PTPRM: variants seen among roughly 807,000 people sequenced by gnomAD.
PTPRM encodes receptor-type tyrosine-protein phosphatase mu.
In PTPRM, 47 loss-of-function variants were observed where a neutral mutation model predicts 186.7. The ratio of observed to expected loss-of-function variants is 0.25; its 90% CI spans 0.20 to 0.32. The LOEUF is 0.32. PTPRM is among the 10% of genes least tolerant of loss of function. The pLI is 1.00. For missense variants in PTPRM, 1,494 were observed against 1,865.0 expected (o/e 0.80, Z 3.66); for synonymous variants, 668 against 674.9 (o/e 0.99, Z 0.16).
Position 8,332,573 on chromosome 18 carries a change from G to C in PTPRM, c.2957-10850G>C, listed in dbSNP as rs1006017606. Among the ~76,000 whole-genome samples the C allele has an allele frequency of 1.1e-4, 17 of 152,340 alleles. 1 individual carries two copies. The South Asian group carries it at 3.3e-3, about 30-fold the overall frequency. On this transcript the variant is annotated intron_variant, in intron 22 of 32. Transcript: ENST00000580170. ...ATGAGTGAAATGTAAGCATCAACAT[G>C]TGGGTTGTGTGCGCTGGAGAAAAGG...
At chr18:8,021,315 GAGACACACACACAC>G (rs1161728348) in intron 7 of PTPRM, among the ~76,000 whole-genome samples, 4 of 99,134 alleles carry the variant, frequency 4.0e-5, no homozygotes, top group East Asian at 2.6e-4. Flanking sequence ...AAGCATAAAA[GAGACACACACACAC>G]ACACACACAC....
intron 7 of PTPRM, among the ~76,000 whole-genome samples, chr18:8,018,369 G>A (rs978064305): frequency 1.3e-5 from 2 of 152,168 alleles, no homozygotes; most frequent in Non-Finnish European, 2.9e-5. Flanking sequence ...TTTGTAAAAC[G>A]AAGAAGCAGC....
chr18:8,150,020 T>C (rs2092970392), intron 14 of PTPRM, among the ~76,000 whole-genome samples: 1 of 152,228 alleles, frequency 6.6e-6, no homozygotes, highest in African/African-American at 2.4e-5. Flanking sequence ...ATATTTACTG[T>C]TAGTCTGAGG....
At chr18:8,339,387 G>C (rs2095460524) in intron 22 of PTPRM, among the ~76,000 whole-genome samples, 1 of 152,128 alleles carries the variant, frequency 6.6e-6, no homozygotes, top group East Asian at 1.9e-4. Context: ...GATTAACCGT[G>C]TTGCCTATTG....
rs369440207 is a variant in PTPRM at position 8,181,976 on chromosome 18, T to C, written c.2300+38197T>C. ...GTAGCATTTGTTGGGGGTCTTTAATTACGCTGGTCTGTGGCTTACCTTAGG... is the reference window on the plus strand; with the variant it reads ...GTAGCATTTGTTGGGGGTCTTTAATCACGCTGGTCTGTGGCTTACCTTAGG... On this transcript the variant is annotated intron_variant, in intron 14 of 32. Coordinates refer to ENST00000580170, the MANE Select transcript of PTPRM (RefSeq NM_001105244.2). Among the ~76,000 whole-genome samples, 307 of 152,292 alleles carry C rather than the reference T, an allele frequency of 2.0e-3. 1 individual carries two copies. The highest frequency in any genetic ancestry group is 7.1e-3 in the African/African-American group (295 of 41,564).
intron 23 of PTPRM, among the ~76,000 whole-genome samples, chr18:8,367,406 G>C (rs1301922120): frequency 2.0e-5 from 3 of 152,270 alleles, no homozygotes; most frequent in African/African-American, 7.2e-5. Flanking sequence ...TTACCGCCGG[G>C]TCGGAGGCAT....
At chr18:7,991,270 T>C (rs1231736579) in intron 7 of PTPRM, among the ~76,000 whole-genome samples, 2 of 152,148 alleles carry the variant, frequency 1.3e-5, no homozygotes, top group Non-Finnish European at 2.9e-5. Flanking sequence ...GATGTCATGG[T>C]TGTTTTATTT....
intron 19 of PTPRM, among the ~76,000 whole-genome samples, chr18:8,264,960 G>C (rs2094683484): frequency 6.6e-6 from 1 of 152,138 alleles, no homozygotes. Flanking sequence ...GCAACACAAA[G>C]CCTGTGTTCT....
Position 7,567,688 on chromosome 18 carries a change from G to T in PTPRM, c.-131G>T. ...GGACTTCTGCAACTGTTGGCACTTT[G>T]GGGGCTTGGCTTAGCGCTCTGCTGT... is the stretch of plus-strand genomic sequence containing the variant. On this transcript the variant is annotated 5_prime_UTR_variant, in exon 1 of 33. Transcript: ENST00000580170. The surrounding 1 kb of genome is among the most constrained non-coding windows in gnomAD (Gnocchi z 4.3). 1 of 789,926 alleles carries T rather than the reference G, an allele frequency of 1.3e-6. No homozygotes were observed. Among genetic ancestry groups the T allele is most frequent in the South Asian group, 2.2e-5 (1 of 45,398 alleles). The allele number at this position is 789,926 out of a possible 1,614,324, so 48.9% of individuals were successfully genotyped here.
At chr18:8,114,428 G>A (rs968876210) in intron 12 of PTPRM, among the ~76,000 whole-genome samples, 1 of 152,112 alleles carries the variant, frequency 6.6e-6, no homozygotes, top group Middle Eastern at 3.4e-3. Context: ...GACTTTTGCC[G>A]GTGTAAAGGG....
chr18:7,855,216 G>T (rs528726369), intron 2 of PTPRM, among the ~76,000 whole-genome samples: 7 of 152,072 alleles, frequency 4.6e-5, no homozygotes, highest in African/African-American at 1.4e-4. Context: ...TGTGCAGGGG[G>T]GTATCCACTT....
chr18:8,121,035 T>G (rs978231772), intron 13 of PTPRM, among the ~76,000 whole-genome samples: 2 of 152,222 alleles, frequency 1.3e-5, no homozygotes, highest in Non-Finnish European at 2.9e-5. Context: ...TACGTCATAT[T>G]AAGAAAATTA....
At chr18:8,165,176 A>G (rs946862336) in intron 14 of PTPRM, among the ~76,000 whole-genome samples, 10 of 151,996 alleles carry the variant, frequency 6.6e-5, no homozygotes, top group African/African-American at 2.4e-4. Flanking sequence ...TCAAAAAAAA[A>G]AAAAAAAGAA....
At chr18:7,985,998 C>A (rs1018392803) in intron 7 of PTPRM, among the ~76,000 whole-genome samples, 1 of 152,080 alleles carries the variant, frequency 6.6e-6, no homozygotes, top group African/African-American at 2.4e-5. Flanking sequence ...AACTGACTGT[C>A]CCTGACAGTG....
intron 7 of PTPRM, among the ~76,000 whole-genome samples, chr18:7,997,544 T>G (rs2083611947): frequency 6.6e-6 from 1 of 152,070 alleles, no homozygotes; most frequent in African/African-American, 2.4e-5. Flanking sequence ...TCAGATTTTT[T>G]AAAAAGCTGC....
At chr18:8,376,943 G>A (rs536642182) in intron 26 of PTPRM, 4 of 200,770 alleles carry the variant, frequency 2.0e-5, no homozygotes, top group Non-Finnish European at 3.0e-5. Flanking sequence ...GAGCAAGACC[G>A]CTCCTGAGAA....
At chr18:7,726,088 C>T (rs1055780472) in intron 1 of PTPRM, among the ~76,000 whole-genome samples, 1 of 152,192 alleles carries the variant, frequency 6.6e-6, no homozygotes, top group African/African-American at 2.4e-5. Flanking sequence ...TTCACATGCA[C>T]TCCCCCTCCT....
In PTPRM at chr18:8,289,577, CATAT is replaced by C. The variant is rs753067953; in HGVS notation, c.2755-6783_2755-6780del. Among the ~76,000 whole-genome samples the C allele has an allele frequency of 3.4e-5, 4 of 116,670 alleles. 1 individual carries two copies. The highest frequency in any genetic ancestry group is 8.5e-5 in the Admixed American group (1 of 11,786). The allele number at this position is 116,670 out of a possible 152,430, so 76.5% of individuals were successfully genotyped here. ...ATATATATACACATATATATATATA[CATAT>C]ATATATACACATATATATATACACA... On this transcript the variant is annotated intron_variant, in intron 19 of 32. Transcript: ENST00000580170.
chr18:7,965,640 T>G (rs1422585663), intron 7 of PTPRM, among the ~76,000 whole-genome samples: 3 of 152,168 alleles, frequency 2.0e-5, no homozygotes, highest in African/African-American at 4.8e-5. Flanking sequence ...AGTCTTAGCC[T>G]TTGTCTTCTG....
Sources: allele counts gnomAD v4.1 joint callset (sites outside exome capture counted in the v4.1 genomes callset), GRCh38; gene constraint gnomAD v4.1.1; non-coding constraint Gnocchi (gnomAD v3.1); transcripts MANE v1.5; gene names NCBI Gene and HGNC (gene_info 2026-07-23, HGNC 2026-07-21).